OXR1: variants seen among roughly 807,000 people sequenced by gnomAD.
OXR1 encodes the protein oxidation resistance 1.
A neutral mutation model predicts 104.6 loss-of-function variants in OXR1; 41 were observed. That is an observed-to-expected ratio of 0.39 (90% CI 0.31 to 0.51). The LOEUF (loss-of-function observed/expected upper bound fraction) is 0.51. OXR1 is among the 20% of genes least tolerant of loss of function. OXR1 has a pLI of 0.77. For synonymous variants in OXR1, 348 were observed against 348.4 expected (o/e 1.00, Z 0.01); for missense variants, 955 against 1,031.9 (o/e 0.93, Z 1.02).
intron 2 of OXR1, among the ~76,000 whole-genome samples, chr8:106,474,012 T>TAC (rs199751152): frequency 0.072 from 9,920 of 137,162 alleles, 375 homozygotes; most frequent in Middle Eastern, 0.12. Flanking sequence ...TGTATATTTA[T>TAC]ACACACACAC....
At chr8:106,710,581 G>A (rs1236320568) in intron 9 of OXR1, 41 bp from the exon 10 acceptor site, 7 of 1,348,444 alleles carry the variant, frequency 5.2e-6, no homozygotes, top group Non-Finnish European at 6.9e-6. Context: ...TAAACTTGGT[G>A]TGTGAGAATT....
chr8:106,556,123 T>A (rs1268874949), intron 3 of OXR1, among the ~76,000 whole-genome samples: 2 of 151,954 alleles, frequency 1.3e-5, no homozygotes, highest in Non-Finnish European at 2.9e-5. Flanking sequence ...GAATGCATAT[T>A]GATGGTTGCC....
chr8:106,434,393 A>T (rs564999162), intron 2 of OXR1, among the ~76,000 whole-genome samples: 1 of 152,320 alleles, frequency 6.6e-6, no homozygotes, highest in Admixed American at 6.5e-5. Context: ...TGAACAGATG[A>T]GGAGAAAGAA....
chr8:106,713,002 A>G (rs1831854472), intron 10 of OXR1, among the ~76,000 whole-genome samples: 1 of 152,004 alleles, frequency 6.6e-6, no homozygotes, highest in South Asian at 2.1e-4. Flanking sequence ...AACTTAGGAA[A>G]ACTGCTGCAT....
chr8:106,534,951 AG>A (rs201564011), intron 3 of OXR1, among the ~76,000 whole-genome samples: 3 of 152,004 alleles, frequency 2.0e-5, no homozygotes, highest in Non-Finnish European at 2.9e-5. Flanking sequence ...AGCTAGCACG[AG>A]GTTTTTTTTG....
At chr8:106,684,888 C>T (rs1260800069) in intron 6 of OXR1, among the ~76,000 whole-genome samples, 1 of 152,018 alleles carries the variant, frequency 6.6e-6, no homozygotes, top group Non-Finnish European at 1.5e-5. Context: ...GGGAACTAAA[C>T]TTCATTTAAT....
intron 2 of OXR1, among the ~76,000 whole-genome samples, chr8:106,517,422 G>T (rs1812932194): frequency 6.6e-6 from 1 of 151,924 alleles, no homozygotes; most frequent in South Asian, 2.1e-4. Context: ...GACATTTGAG[G>T]TTTTTTTCAA....
chr8:106,485,779 A>T (rs893197610), intron 2 of OXR1, among the ~76,000 whole-genome samples: 1 of 152,124 alleles, frequency 6.6e-6, no homozygotes, highest in African/African-American at 2.4e-5. Flanking sequence ...TTCAGCCTTT[A>T]AAAAGAAGGA....
chr8:106,348,437 T>G (rs886836433), intron 1 of OXR1, among the ~76,000 whole-genome samples: 3 of 152,216 alleles, frequency 2.0e-5, no homozygotes, highest in African/African-American at 7.2e-5. Context: ...TACAGAAAGA[T>G]TCATTAAATG....
intron 3 of OXR1, among the ~76,000 whole-genome samples, chr8:106,529,995 GC>G (rs986989318): frequency 2.1e-4 from 32 of 152,072 alleles, no homozygotes; most frequent in Non-Finnish European, 3.2e-4. Flanking sequence ...AACAAAACTT[GC>G]CCTTTTAACC....
intron 9 of OXR1, among the ~76,000 whole-genome samples, 199 bp from the exon 10 acceptor site, chr8:106,710,423 T>C (rs1208438667): frequency 6.6e-6 from 1 of 152,092 alleles, no homozygotes; most frequent in African/African-American, 2.4e-5. Context: ...CTTGGCTCTT[T>C]TGTTAAGTTT....
chr8:106,437,000 A>G (rs1044376363), intron 2 of OXR1, among the ~76,000 whole-genome samples: 4 of 152,190 alleles, frequency 2.6e-5, no homozygotes, highest in African/African-American at 9.7e-5. Context: ...AAAACAAACA[A>G]ACAAAAAAAT....
chr8:106,712,554 AC>A (rs893109490), intron 10 of OXR1, among the ~76,000 whole-genome samples: 11 of 152,108 alleles, frequency 7.2e-5, no homozygotes, highest in Non-Finnish European at 1.5e-4. Context: ...AATTGGAGAT[AC>A]GCGAATTGAT....
intron 2 of OXR1, among the ~76,000 whole-genome samples, chr8:106,381,210 A>G (rs1817135678): frequency 6.6e-6 from 1 of 152,196 alleles, no homozygotes; most frequent in Non-Finnish European, 1.5e-5. Context: ...GATCTTAATT[A>G]TTGGTGACAC....
chr8:106,457,615 G>A (rs1820672432), intron 2 of OXR1, among the ~76,000 whole-genome samples: 1 of 151,930 alleles, frequency 6.6e-6, no homozygotes, highest in Admixed American at 6.6e-5. Context: ...GAGCATTAAG[G>A]ACAATTCTGA....
chr8:106,275,175 A>T (rs1811986459), intron 1 of OXR1, among the ~76,000 whole-genome samples: 1 of 152,268 alleles, frequency 6.6e-6, no homozygotes, highest in Non-Finnish European at 1.5e-5. Flanking sequence ...AAATCATTAA[A>T]GGGAAAACAG....
chr8:106,443,271 GTT>G (rs1462181468), intron 2 of OXR1, among the ~76,000 whole-genome samples: 1 of 152,060 alleles, frequency 6.6e-6, no homozygotes, highest in Non-Finnish European at 1.5e-5. Flanking sequence ...CTGAGAGACT[GTT>G]TATTATAATT....
chr8:106,665,957 A>G (rs377598364), intron 3 of OXR1, among the ~76,000 whole-genome samples: 2 of 152,170 alleles, frequency 1.3e-5, no homozygotes, highest in African/African-American at 4.8e-5. Flanking sequence ...ATATAACAAA[A>G]AAAAAACTCA....
chr8:106,586,925 G>A (rs943771209), intron 3 of OXR1, among the ~76,000 whole-genome samples: 3 of 152,196 alleles, frequency 2.0e-5, no homozygotes, highest in Admixed American at 2.0e-4. Context: ...ATTTTAAAAA[G>A]AGCATGGAAA....
Sources: gnomAD v4.1 joint callset for allele counts (sites outside exome capture counted in the v4.1 genomes callset) on GRCh38, gnomAD v4.1.1 for gene constraint, MANE v1.5 for transcripts, NCBI Gene and HGNC (gene_info 2026-07-23, HGNC 2026-07-21) for gene names.